ZNF66: variants seen among roughly 807,000 people sequenced by gnomAD.
ZNF66 encodes the protein putative zinc finger protein 66.
ZNF66 carries 32 observed loss-of-function variants against 35.2 expected under a neutral mutation model. The ratio of observed to expected loss-of-function variants is 0.91; its 90% CI spans 0.69 to 1.22. The LOEUF (loss-of-function observed/expected upper bound fraction) is 1.22, where lower values mean the gene tolerates loss of function less well. Among genes scored for constraint, ZNF66 ranks in the 50% most tolerant of loss-of-function variants. ZNF66 has a pLI of 0.00. For synonymous variants in ZNF66, 231 were observed against 181.3 expected, an observed-to-expected ratio of 1.27 and a Z score of -2.20; for missense variants, 666 against 543.1, an observed-to-expected ratio of 1.23 and a Z score of -2.25.
At chr19:20,797,039 CAG>C (rs1971398747) in intron 3 of ZNF66, among the ~76,000 whole-genome samples, 1 of 151,860 alleles carries the variant, frequency 6.6e-6, no homozygotes, top group African/African-American at 2.4e-5. Flanking sequence ...TTAGTAGAGA[CAG>C]GGCTTCACCA....
intron 1 of ZNF66, among the ~76,000 whole-genome samples, chr19:20,777,909 C>T (rs893224966): frequency 6.6e-6 from 1 of 152,088 alleles, no homozygotes; most frequent in Non-Finnish European, 1.5e-5. Flanking sequence ...GAATATATTT[C>T]CACAGGAAAA....
In ZNF66 at chr19:20,807,073, G is replaced by A. The variant is rs1406358664; in HGVS notation, c.1473G>A (p.Lys491=). Residue 491 remains lysine, a synonymous_variant, in exon 4 of 4, where the codon AAG becomes AAA. Transcript: ENST00000344519. The part of the protein sequence containing the change: ...YKCEECGKAF[K]CSSILTTHKR... The stretch of plus-strand genomic sequence containing the variant: ...GTGAAGAATGTGGCAAGGCCTTTAA[G>A]TGCTCCTCTATTCTTACTACACATA... 1.3e-6 allele frequency: 1 copy of A among 799,948 alleles called. No homozygotes were observed. Among genetic ancestry groups the A allele is most frequent in the East Asian group, 2.5e-5 (1 of 40,808 alleles). The allele number at this position is 799,948 out of a possible 1,614,324, so 49.6% of individuals were successfully genotyped here. A position where few individuals can be genotyped will look rare whatever the true frequency, so the allele number is the denominator to read the frequency against.
Position 20,807,303 on chromosome 19 carries a change from A to G in ZNF66, c.1703A>G (p.Glu568Gly). 1 of 651,896 alleles carries G rather than the reference A, an allele frequency of 1.5e-6. No individual in the cohort carries two copies. The highest frequency in any genetic ancestry group is 1.9e-5 in the South Asian group (1 of 52,052). The allele number at this position is 651,896 out of a possible 1,614,324, so 40.4% of individuals were successfully genotyped here. Reference sequence around the variant, plus strand: ...ATGGGAGGGAATCCCTACAAATGTGAAAATGTGGCAAAGCCTTAGACACTC... The same window carrying G: ...ATGGGAGGGAATCCCTACAAATGTGGAAATGTGGCAAAGCCTTAGACACTC... ...IHMGGNPYKC[E>G]NVAKP Residue 568 changes from glutamate to glycine, a missense_variant, in exon 4 of 4, where the codon GAA becomes GGA. Physicochemically the swap from Glu to Gly is moderately conservative, Grantham distance 98. Coordinates refer to ENST00000344519, the MANE Select transcript of ZNF66 (RefSeq NM_001355197.2).
At chr19:20,798,064 T>C (rs188153692) in intron 3 of ZNF66, among the ~76,000 whole-genome samples, 264 of 152,274 alleles carry the variant, frequency 1.7e-3, no homozygotes, top group Non-Finnish European at 3.1e-3. Context: ...GCTTATCTTA[T>C]ACTCTTTCTT....
chr19:20,803,877 T>A (rs366543), intron 3 of ZNF66, among the ~76,000 whole-genome samples: 14,137 of 152,142 alleles, frequency 0.093, 657 homozygotes, highest in Middle Eastern at 0.11. Flanking sequence ...AAGCTTTTTT[T>A]AAATTATTAT....
At position 20,809,145 on chromosome 19, in the gene ZNF66, A is replaced by G. The variant is rs981992181; in HGVS notation, c.*1823A>G. ...GGGAAGTTTAGAGAAAAAAAATTAA[A>G]AAGAAACAAAGTCTCCAAGAAATAT... On this transcript the variant is annotated 3_prime_UTR_variant, in exon 4 of 4. Transcript: ENST00000344519. 1.3e-5 allele frequency among the ~76,000 whole-genome samples: 2 copies of G among 150,198 alleles called. No homozygotes were observed. The highest frequency in any genetic ancestry group is 4.9e-5 in the African/African-American group (2 of 40,780).
At position 20,806,738 on chromosome 19, in the gene ZNF66, T is replaced by TA. The variant is rs1971517235; in HGVS notation, c.1139dup (p.Tyr380Ter). ...KCEECGEAFK[Y>*]SCSLTAHKII... The stretch of plus-strand genomic sequence containing the variant: ...TGAAGAATGTGGTGAAGCCTTTAAG[T>TA]ACTCCTGTTCCCTTACTGCACATAA... Residue 380 changes from tyrosine to a stop codon, truncating the protein, a stop_gained and frameshift_variant, in exon 4 of 4, where the codon TAC becomes TAAC. Coordinates refer to ENST00000344519, the MANE Select transcript of ZNF66 (RefSeq NM_001355197.2). LOFTEE classifies it high-confidence loss of function. The TA allele has an allele frequency of 7.3e-7, 1 of 1,373,128 alleles. No individual in the cohort carries two copies. Among genetic ancestry groups the TA allele is most frequent in the African/African-American group, 1.4e-5 (1 of 69,882 alleles). 85.1% of individuals were successfully genotyped at this position (1,373,128 alleles called of 1,614,324 possible).
At chr19:20,778,270 T>C (rs1168409960) in intron 1 of ZNF66, among the ~76,000 whole-genome samples, 1 of 152,100 alleles carries the variant, frequency 6.6e-6, no homozygotes, top group African/African-American at 2.4e-5. Context: ...CAGCCAATTT[T>C]TTTGTGTTTT....
Position 20,806,832 on chromosome 19 carries a change from C to G in ZNF66, c.1232C>G (p.Pro411Arg), listed in dbSNP as rs772237966. 63 of 1,315,408 alleles carry G rather than the reference C, an allele frequency of 4.8e-5. No homozygotes were observed. In the East Asian group the frequency reaches 1.2e-3, roughly 25 times the overall value. The allele number at this position is 1,315,408 out of a possible 1,614,324, so 81.5% of individuals were successfully genotyped here. A position where few individuals can be genotyped will look rare whatever the true frequency, so the allele number is the denominator to read the frequency against. Reference sequence around the variant, plus strand: ...GGCAAAGTGTTTAAGCACTCCTCTCCCCTTTCTAAACATAAGAGAATTCAT... The same window carrying G: ...GGCAAAGTGTTTAAGCACTCCTCTCGCCTTTCTAAACATAAGAGAATTCAT... ...ECGKVFKHSS[P>R]LSKHKRIHTG... The change falls in exon 4 of 4, where the codon CCC (proline) becomes CGC (arginine). Residue 411 changes from proline to arginine, a missense_variant. Transcript: ENST00000344519.
chr19:20,787,049 C>G (rs555401174), intron 1 of ZNF66, among the ~76,000 whole-genome samples: 1 of 152,302 alleles, frequency 6.6e-6, no homozygotes, highest in African/African-American at 2.4e-5. Flanking sequence ...GCTTGAGCCA[C>G]TGAGCCTGGC....
intron 1 of ZNF66, chr19:20,784,642 C>T (rs1971271731): frequency 1.3e-5 from 2 of 152,060 alleles, no homozygotes; most frequent in South Asian, 2.1e-4. Flanking sequence ...AATATAGAAC[C>T]CCCATTCAAT....
At chr19:20,788,197 A>C (rs547118718) in intron 1 of ZNF66, among the ~76,000 whole-genome samples, 1 of 152,258 alleles carries the variant, frequency 6.6e-6, no homozygotes, top group African/African-American at 2.4e-5. Context: ...TAGTTGCTTC[A>C]ATTTCATATA....
intron 1 of ZNF66, among the ~76,000 whole-genome samples, chr19:20,792,176 C>T (rs1215521272): frequency 6.6e-6 from 1 of 152,154 alleles, no homozygotes; most frequent in Admixed American, 6.5e-5. Context: ...CATATTAAAA[C>T]ATGCCTTTTT....
At chr19:20,784,330 T>A (rs1227172723) in intron 1 of ZNF66, among the ~76,000 whole-genome samples, 1 of 152,194 alleles carries the variant, frequency 6.6e-6, no homozygotes, top group Non-Finnish European at 1.5e-5. Context: ...TACTTAGATA[T>A]TTATATCTAA....
rs1891086021 is a variant in ZNF66 at position 20,776,326 on chromosome 19, C to CCGGGAG, written c.-121_-120insGGGAGC. On this transcript the variant is annotated 5_prime_UTR_variant, in exon 1 of 4. Transcript: ENST00000344519. ...TTTGTCTCTCCCTGCAGCTGGAGCT[C>CCGGGAG]CAGGTCGTCTGTTCACTGCTCTCTG... is the stretch of plus-strand genomic sequence containing the variant. The CCGGGAG allele has an allele frequency of 1.4e-6, 2 of 1,431,416 alleles. No individual in the cohort carries two copies. The highest frequency in any genetic ancestry group is 2.3e-5 in the South Asian group (2 of 87,274). 88.7% of individuals were successfully genotyped at this position (1,431,416 alleles called of 1,614,324 possible).
rs865971715 is a variant in ZNF66, at chr19:20,808,767, G to A, written c.*1445G>A. On this transcript the variant is annotated 3_prime_UTR_variant, in exon 4 of 4. Coordinates refer to ENST00000344519, the MANE Select transcript of ZNF66 (RefSeq NM_001355197.2). ...GGGAAAAAACAGAGCAGAAAAACTG[G>A]AAAGTCTAAAAAGCAGAGCACCTCT... 0.091 allele frequency among the ~76,000 whole-genome samples: 13,862 copies of A among 151,692 alleles called. 619 individuals are homozygous for A. Among genetic ancestry groups the A allele is most frequent in the Middle Eastern group, 0.11 (32 of 292 alleles).
chr19:20,801,763 T>A (rs1308345926), intron 3 of ZNF66, among the ~76,000 whole-genome samples: 2 of 150,452 alleles, frequency 1.3e-5, no homozygotes, highest in Non-Finnish European at 3.0e-5. Context: ...AGTAGCTGGG[T>A]TACATGAATG....
intron 1 of ZNF66, among the ~76,000 whole-genome samples, chr19:20,780,851 A>C (rs1971239091): frequency 1.3e-5 from 2 of 152,112 alleles, no homozygotes; most frequent in Admixed American, 1.3e-4. Flanking sequence ...CTCTGATTAC[A>C]GACCCCCTTT....
At chr19:20,799,061 CTTTCTTTTTTT>C in intron 3 of ZNF66, 1 of 116,708 alleles carries the variant, frequency 8.6e-6, no homozygotes, top group South Asian at 2.7e-4. Context: ...CTTTTTCTTT[CTTTCTTTTTTT>C]TTTTTTTGAG....
Sources: gnomAD v4.1 joint callset for allele counts (sites outside exome capture counted in the v4.1 genomes callset) on GRCh38, gnomAD v4.1.1 for gene constraint, MANE v1.5 for transcripts, NCBI Gene and HGNC (gene_info 2026-07-23, HGNC 2026-07-21) for gene names.